The following VPS53 variants were observed in gnomAD, a reference collection of about 807,000 sequenced individuals.
The protein encoded by VPS53 is VPS53 subunit of GARP complex.
In VPS53, 70 loss-of-function variants were observed where a neutral mutation model predicts 107.0. That is an observed-to-expected ratio of 0.65 (90% CI 0.54 to 0.80). The LOEUF (loss-of-function observed/expected upper bound fraction) is 0.80. Among genes scored for constraint, VPS53 ranks in the 30% least tolerant of loss-of-function variants. The pLI is 0.00. For missense variants in VPS53, 917 were observed against 1,049.4 expected, an observed-to-expected ratio of 0.87 and a Z score of 1.74; for synonymous variants, 409 against 393.3, an observed-to-expected ratio of 1.04 and a Z score of -0.47.
chr17:572,257 C>T (rs1208768458), intron 13 of VPS53, among the ~76,000 whole-genome samples: 1 of 150,264 alleles, frequency 6.7e-6, no homozygotes, highest in Non-Finnish European at 1.5e-5. Flanking sequence ...AGGTGAGGAG[C>T]GTCTCTGCCC....
chr17:566,250 C>T (rs1430144379), intron 13 of VPS53, among the ~76,000 whole-genome samples: 1 of 151,996 alleles, frequency 6.6e-6, no homozygotes, highest in South Asian at 2.1e-4. Context: ...TTCTCCCATC[C>T]TGGGCCACGG....
chr17:645,231 A>C (rs112907510), intron 7 of VPS53, among the ~76,000 whole-genome samples: 27 of 152,368 alleles, frequency 1.8e-4, no homozygotes, highest in African/African-American at 5.5e-4. Flanking sequence ...ATGCAGGTGG[A>C]AACCACAATG....
chr17:593,040 GA>G (rs1967754327), intron 12 of VPS53, among the ~76,000 whole-genome samples: 1 of 151,940 alleles, frequency 6.6e-6, no homozygotes, highest in Non-Finnish European at 1.5e-5. Context: ...ACAAACCTGA[GA>G]AAAACAAGAA....
intron 4 of VPS53, among the ~76,000 whole-genome samples, chr17:685,623 CTT>C (rs886710652): frequency 6.6e-6 from 1 of 152,114 alleles, no homozygotes; most frequent in African/African-American, 2.4e-5. Context: ...AAATTTTCAA[CTT>C]AGGATATTTT....
chr17:526,694 T>C (rs1437230501), intron 19 of VPS53, among the ~76,000 whole-genome samples: 2 of 152,224 alleles, frequency 1.3e-5, no homozygotes, highest in African/African-American at 4.8e-5. Flanking sequence ...TGGGGCAGTG[T>C]GGGCTGGCTA....
intron 7 of VPS53, among the ~76,000 whole-genome samples, chr17:636,425 T>C (rs1190936717): frequency 1.3e-5 from 2 of 152,240 alleles, no homozygotes; most frequent in Non-Finnish European, 1.5e-5. Context: ...TCCTGCCTGA[T>C]TGCCTTGGCC....
intron 1 of VPS53, among the ~76,000 whole-genome samples, chr17:712,964 A>G (rs1973697940): frequency 6.6e-6 from 1 of 152,152 alleles, no homozygotes; most frequent in Non-Finnish European, 1.5e-5. Context: ...TGGCCGGAAC[A>G]CTAAAAGCTT....
chr17:711,232 A>C (rs1441962404), intron 1 of VPS53, among the ~76,000 whole-genome samples: 1 of 152,202 alleles, frequency 6.6e-6, no homozygotes, highest in Admixed American at 6.6e-5. Flanking sequence ...CCTCTAAGAC[A>C]TACAGCTAAC....
chr17:680,695 G>A (rs749355705), intron 4 of VPS53, among the ~76,000 whole-genome samples: 18 of 152,226 alleles, frequency 1.2e-4, no homozygotes, highest in Non-Finnish European at 2.5e-4. Context: ...AGCTCCGGGA[G>A]AGAAGTGTCT....
intron 5 of VPS53, among the ~76,000 whole-genome samples, chr17:660,068 C>T (rs1375982562): frequency 6.6e-6 from 1 of 152,194 alleles, no homozygotes; most frequent in Non-Finnish European, 1.5e-5. Flanking sequence ...ACAGAATGCC[C>T]ATAGTTGATT....
At chr17:552,058 G>A in intron 16 of VPS53, 108 bp from the exon 17 acceptor site, 1 of 1,066,218 alleles carries the variant, frequency 9.4e-7, no homozygotes, top group Non-Finnish European at 1.3e-6. Context: ...CACTGGCAAA[G>A]TTTGAGCTTT....
At chr17:636,038 G>A (rs1338999957) in intron 7 of VPS53, among the ~76,000 whole-genome samples, 1 of 152,190 alleles carries the variant, frequency 6.6e-6, no homozygotes, top group Non-Finnish European at 1.5e-5. Flanking sequence ...AGCATGGAAT[G>A]TTCTTCCATT....
chr17:648,786 G>T (rs866327828), intron 7 of VPS53, among the ~76,000 whole-genome samples: 1 of 134,410 alleles, frequency 7.4e-6, no homozygotes, highest in South Asian at 2.5e-4. Context: ...TCTTACACTG[G>T]AGGACAGAGG....
rs114411939 is a variant in VPS53, at chr17:521,833, G to A, written c.2086-95C>T. The A allele has an allele frequency of 4.2e-4, 541 of 1,287,896 alleles. 1 individual carries two copies. In the African/African-American group the frequency reaches 7.0e-3, roughly 17 times the overall value. 79.8% of individuals were successfully genotyped at this position (1,287,896 alleles called of 1,614,324 possible). A position where few individuals can be genotyped will look rare whatever the true frequency, so the allele number is the denominator to read the frequency against. ...GAGTCATGTTTTTCTCGTTATACAC[G>A]TAACACATTCTTGTTGCAAAAAATT... is the stretch of plus-strand genomic sequence containing the variant. On this transcript the variant is annotated intron_variant, in intron 19 of 21. Transcript: ENST00000437048.
chr17:560,868 A>G (rs1912887640), intron 14 of VPS53, among the ~76,000 whole-genome samples: 1 of 152,182 alleles, frequency 6.6e-6, no homozygotes, highest in Non-Finnish European at 1.5e-5. Flanking sequence ...TTAGCTTGGA[A>G]TCTCCTGATG....
chr17:657,103 C>A, intron 5 of VPS53: 1 of 1,090,200 alleles, frequency 9.2e-7, no homozygotes. Flanking sequence ...CCAAATCAAT[C>A]TGAATGGTGT....
At chr17:603,366 G>A (rs1307298472) in intron 11 of VPS53, among the ~76,000 whole-genome samples, 1 of 152,236 alleles carries the variant, frequency 6.6e-6, no homozygotes, top group Non-Finnish European at 1.5e-5. Context: ...AGGTTGCAGT[G>A]AGCCAAGATG....
chr17:693,758 C>T (rs1052342878), intron 4 of VPS53, among the ~76,000 whole-genome samples: 2 of 152,160 alleles, frequency 1.3e-5, no homozygotes, highest in Non-Finnish European at 2.9e-5. Flanking sequence ...AATTTAAAAG[C>T]GGCACATCGG....
chr17:614,160 G>A lies in VPS53; in HGVS notation c.1116+9373C>T, dbSNP rs903824403. ...CTGCTAAGGAGGGATTTCTTCTGGG[G>A]TAACAGAAATGTCCTGGAGTTGCAC... is the stretch of plus-strand genomic sequence containing the variant. On this transcript the variant is annotated intron_variant, in intron 11 of 21. Coordinates refer to ENST00000437048, the MANE Select transcript of VPS53 (RefSeq NM_001128159.3). 3.9e-5 allele frequency among the ~76,000 whole-genome samples: 6 copies of A among 152,264 alleles called. No individual in the cohort carries two copies. In the East Asian group the frequency reaches 1.2e-3, roughly 29 times the overall value.
Sources: allele counts gnomAD v4.1 joint callset (sites outside exome capture counted in the v4.1 genomes callset), GRCh38; gene constraint gnomAD v4.1.1; transcripts MANE v1.5; gene names NCBI Gene and HGNC (gene_info 2026-07-23, HGNC 2026-07-21).